MAML3: variants seen among roughly 807,000 people sequenced by gnomAD.
MAML3 encodes mastermind like transcriptional coactivator 3, also known as mastermind-like protein 3.
In MAML3, 27 loss-of-function variants were observed where a neutral mutation model predicts 101.9. The observed-to-expected ratio is 0.27, with a 90% CI of 0.20 to 0.37. The LOEUF (loss-of-function observed/expected upper bound fraction) is 0.37, where lower values mean the gene tolerates loss of function less well. MAML3 is among the 10% of genes least tolerant of loss of function. MAML3 has a pLI of 1.00. For synonymous variants in MAML3, 501 were observed against 555.9 expected, an observed-to-expected ratio of 0.90 and a Z score of 1.39; for missense variants, 1,316 against 1,444.9, an observed-to-expected ratio of 0.91 and a Z score of 1.45.
At chr4:139,791,929 T>C (rs1174244533) in intron 2 of MAML3, among the ~76,000 whole-genome samples, 1 of 152,204 alleles carries the variant, frequency 6.6e-6, no homozygotes, top group Non-Finnish European at 1.5e-5. Context: ...CAGGTGGACA[T>C]GGTAATTACG....
chr4:139,962,724 G>A (rs546547243), intron 1 of MAML3, among the ~76,000 whole-genome samples: 29 of 152,318 alleles, frequency 1.9e-4, no homozygotes, highest in Admixed American at 7.8e-4. Flanking sequence ...CCAAGAAAAA[G>A]AGAGGAAGAG....
intron 2 of MAML3, among the ~76,000 whole-genome samples, chr4:139,864,552 T>C (rs1168638627): frequency 2.0e-5 from 3 of 151,730 alleles, no homozygotes; most frequent in African/African-American, 7.3e-5. Context: ...GGTGTGTACC[T>C]GTAATTCCAG....
At chr4:139,980,639 G>A (rs931386488) in intron 1 of MAML3, among the ~76,000 whole-genome samples, 3 of 152,140 alleles carry the variant, frequency 2.0e-5, no homozygotes, top group Non-Finnish European at 4.4e-5. Flanking sequence ...CAGACTCCCG[G>A]GGTATTCATT....
At chr4:139,936,078 T>G (rs1247550132) in intron 1 of MAML3, among the ~76,000 whole-genome samples, 1 of 152,186 alleles carries the variant, frequency 6.6e-6, no homozygotes. Context: ...TTCTACTCTA[T>G]CGGAGTTAGA....
chr4:139,986,182 C>T (rs963754590), intron 1 of MAML3, among the ~76,000 whole-genome samples: 6 of 152,182 alleles, frequency 3.9e-5, no homozygotes, highest in East Asian at 1.9e-4. Context: ...TCGTTGTGGA[C>T]AGGGTCATCC....
chr4:139,843,357 A>G (rs1197627949), intron 2 of MAML3, among the ~76,000 whole-genome samples: 1 of 152,216 alleles, frequency 6.6e-6, no homozygotes, highest in Non-Finnish European at 1.5e-5. Flanking sequence ...CCATGTGCTC[A>G]AATTTAGAAA....
intron 1 of MAML3, among the ~76,000 whole-genome samples, chr4:140,046,664 A>C (rs1177330527): frequency 2.0e-5 from 3 of 152,178 alleles, no homozygotes; most frequent in Non-Finnish European, 4.4e-5. Flanking sequence ...AGAAATACAA[A>C]TACTGGGAAA....
At chr4:139,814,975 C>G (rs1375555874) in intron 2 of MAML3, among the ~76,000 whole-genome samples, 1 of 152,096 alleles carries the variant, frequency 6.6e-6, no homozygotes, top group African/African-American at 2.4e-5. Context: ...TCTAATGAGG[C>G]AGCATTAGAT....
At chr4:139,773,578 G>A (rs145607195) in intron 2 of MAML3, among the ~76,000 whole-genome samples, 1 of 152,174 alleles carries the variant, frequency 6.6e-6, no homozygotes, top group Non-Finnish European at 1.5e-5. Flanking sequence ...CTAAGGATGG[G>A]GTAGCAGTGA....
intron 2 of MAML3, among the ~76,000 whole-genome samples, chr4:139,866,091 T>G (rs1256655388): frequency 1.3e-5 from 2 of 152,198 alleles, no homozygotes; most frequent in African/African-American, 4.8e-5. Context: ...AATTGGGTGG[T>G]CCAGGGAACC....
chr4:139,997,646 A>G (rs867732961), intron 1 of MAML3, among the ~76,000 whole-genome samples: 1 of 151,978 alleles, frequency 6.6e-6, no homozygotes, highest in South Asian at 2.1e-4. Context: ...TTTCAGTGCT[A>G]TTTCTTCCTA....
At chr4:140,082,573 G>C (rs1578675623) in intron 1 of MAML3, among the ~76,000 whole-genome samples, 1 of 152,042 alleles carries the variant, frequency 6.6e-6, no homozygotes, top group East Asian at 1.9e-4. Flanking sequence ...CCATACCAAG[G>C]CATGGCCTTT....
At chr4:139,744,335 TA>T (rs1279508039) in intron 2 of MAML3, among the ~76,000 whole-genome samples, 1 of 152,166 alleles carries the variant, frequency 6.6e-6, no homozygotes, top group Admixed American at 6.5e-5. Context: ...TGATTTTTCT[TA>T]AAGAACACTC....
At chr4:140,072,159 C>T (rs148773184) in intron 1 of MAML3, among the ~76,000 whole-genome samples, 3 of 152,298 alleles carry the variant, frequency 2.0e-5, no homozygotes, top group Admixed American at 2.0e-4. Flanking sequence ...CTTCTCTAGA[C>T]ATGAGTGCAG....
chr4:139,977,603 T>C (rs1346597946), intron 1 of MAML3, among the ~76,000 whole-genome samples: 2 of 152,286 alleles, frequency 1.3e-5, no homozygotes, highest in East Asian at 1.9e-4. Context: ...CCAGGCGCGG[T>C]AGCTCACGCC....
intron 1 of MAML3, among the ~76,000 whole-genome samples, chr4:139,954,957 GATAATA>G (rs1386875268): frequency 3.9e-5 from 6 of 152,184 alleles, no homozygotes; most frequent in African/African-American, 1.4e-4. Context: ...AAGCGATAAT[GATAATA>G]ATAATGGGAA....
intron 1 of MAML3, among the ~76,000 whole-genome samples, chr4:140,001,421 T>C (rs1386177662): frequency 6.6e-6 from 1 of 152,196 alleles, no homozygotes; most frequent in African/African-American, 2.4e-5. Context: ...GCTTAAAACA[T>C]ACCCCCAAGA....
chr4:139,756,626 TTGTGG>T (rs1384607604), intron 2 of MAML3, among the ~76,000 whole-genome samples: 1 of 152,188 alleles, frequency 6.6e-6, no homozygotes, highest in Admixed American at 6.6e-5. Context: ...AATGACTTGG[TTGTGG>T]CTGTGCTTTA....
chr4:139,931,414 T>C lies in MAML3; in HGVS notation c.469-40447A>G, dbSNP rs922166206. ...GGGTTCCTGCTGTCATTTCTTCCTC[T>C]TACCTTGTACCGTCTAAAAATTGCA... On this transcript the variant is annotated intron_variant, in intron 1 of 4. Transcript: ENST00000509479. Among the ~76,000 whole-genome samples the C allele has an allele frequency of 5.9e-5, 9 of 152,338 alleles. No individual in the cohort carries two copies. The East Asian group carries it at 1.7e-3, about 29-fold the overall frequency.
Sources: gnomAD v4.1 joint callset for allele counts (sites outside exome capture counted in the v4.1 genomes callset) on GRCh38, gnomAD v4.1.1 for gene constraint, MANE v1.5 for transcripts, NCBI Gene and HGNC (gene_info 2026-07-23, HGNC 2026-07-21) for gene names.